Variants in CLMP observed in about 807,000 individuals in gnomAD.
The protein encoded by CLMP is CXADR like cell adhesion molecule, also known as CXADR-like membrane protein.
Under a neutral mutation model 45.2 loss-of-function variants are expected in CLMP, and 27 were observed. The ratio of observed to expected loss-of-function variants is 0.60; its 90% CI spans 0.44 to 0.82. The LOEUF (loss-of-function observed/expected upper bound fraction) is 0.82. Among genes scored for constraint, CLMP ranks in the 40% least tolerant of loss-of-function variants. The probability of loss-of-function intolerance (pLI) is 0.00; values close to 1 mark genes in which losing one functional copy is unlikely to be tolerated. For missense variants in CLMP, 403 were observed against 448.4 expected, an observed-to-expected ratio of 0.90 and a Z score of 0.91; for synonymous variants, 167 against 171.4, an observed-to-expected ratio of 0.97 and a Z score of 0.20.
chr11:123,128,322 C>A (rs1860931263), intron 1 of CLMP, among the ~76,000 whole-genome samples: 1 of 151,580 alleles, frequency 6.6e-6, no homozygotes, highest in Non-Finnish European at 1.5e-5. Flanking sequence ...ACAAGGCGGG[C>A]ATGGTGGCTC....
chr11:123,166,248 G>T (rs1431620998), intron 1 of CLMP, among the ~76,000 whole-genome samples: 1 of 152,210 alleles, frequency 6.6e-6, no homozygotes, highest in East Asian at 1.9e-4. Context: ...AGTAGTTACT[G>T]TGGGCATCCC....
At chr11:123,138,828 T>A (rs547667148) in intron 1 of CLMP, among the ~76,000 whole-genome samples, 26 of 152,218 alleles carry the variant, frequency 1.7e-4, no homozygotes, top group South Asian at 1.2e-3. Context: ...TAATTTTTTG[T>A]ATTTTTAGTA....
chr11:123,105,469 C>T (rs7951698), intron 1 of CLMP, among the ~76,000 whole-genome samples: 15,511 of 149,970 alleles, frequency 0.1, 867 homozygotes, highest in East Asian at 0.17. Flanking sequence ...CTTGCTCTGT[C>T]GCCCAGGCTG....
At chr11:123,181,595 G>A (rs1412899924) in intron 1 of CLMP, among the ~76,000 whole-genome samples, 1 of 151,982 alleles carries the variant, frequency 6.6e-6, no homozygotes, top group Non-Finnish European at 1.5e-5. Flanking sequence ...TCTGCTCCCC[G>A]ACCAGGCTCT....
intron 1 of CLMP, among the ~76,000 whole-genome samples, chr11:123,153,457 A>G (rs1195482747): frequency 6.6e-6 from 1 of 152,124 alleles, no homozygotes; most frequent in African/African-American, 2.4e-5. Flanking sequence ...GAAAAGACAA[A>G]ATCCTCCTTC....
At position 123,153,299 on chromosome 11, in the gene CLMP, G is replaced by A. The variant is rs182470309; in HGVS notation, c.28+41614C>T. 1.2e-4 allele frequency among the ~76,000 whole-genome samples: 19 copies of A among 152,242 alleles called. No individual in the cohort carries two copies. In the South Asian group the frequency reaches 2.5e-3, roughly 20 times the overall value. On this transcript the variant is annotated intron_variant, in intron 1 of 6. Coordinates refer to ENST00000448775, the MANE Select transcript of CLMP (RefSeq NM_024769.5). Reference sequence around the variant, plus strand: ...GTTTCAGATATTTTCTCTCCAAGACGGAGGGCTCAACTGAAAACTTTTATC... The same window carrying A: ...GTTTCAGATATTTTCTCTCCAAGACAGAGGGCTCAACTGAAAACTTTTATC...
intron 1 of CLMP, among the ~76,000 whole-genome samples, chr11:123,144,589 C>T (rs1197011920): frequency 6.6e-6 from 1 of 152,212 alleles, no homozygotes; most frequent in East Asian, 1.9e-4. Context: ...AGGCTGGTCT[C>T]GAACTCCCGA....
intron 2 of CLMP, among the ~76,000 whole-genome samples, chr11:123,097,095 AC>A (rs775957633): frequency 4.6e-5 from 7 of 151,268 alleles, no homozygotes; most frequent in African/African-American, 7.3e-5. Context: ...CAAGCAGTTC[AC>A]CCCCCTCAGG....
chr11:123,130,260 G>GA lies in CLMP; in HGVS notation c.29-32309dup, dbSNP rs546788685. On this transcript the variant is annotated intron_variant, in intron 1 of 6. Coordinates refer to ENST00000448775, the MANE Select transcript of CLMP (RefSeq NM_024769.5). Reference sequence around the variant, plus strand: ...AGTCCAAGGGATGTAACTGCCCCGAGAGGCCTCAAACTGGCCCTTTCGTGG... The same window carrying GA: ...AGTCCAAGGGATGTAACTGCCCCGAGAAGGCCTCAAACTGGCCCTTTCGTGG... Among the ~76,000 whole-genome samples the GA allele has an allele frequency of 1.7e-3, 252 of 152,236 alleles. 1 individual carries two copies. In the Middle Eastern group the frequency reaches 0.024, roughly 14 times the overall value.
chr11:123,146,539 C>T (rs538266357), intron 1 of CLMP, among the ~76,000 whole-genome samples: 94 of 152,232 alleles, frequency 6.2e-4, no homozygotes, highest in African/African-American at 2.2e-3. Context: ...AAGTAGAGGT[C>T]GGCCCACTCC....
chr11:123,150,340 T>C (rs1211791065), intron 1 of CLMP, among the ~76,000 whole-genome samples: 1 of 147,668 alleles, frequency 6.8e-6, no homozygotes, highest in African/African-American at 2.5e-5. Flanking sequence ...TCTTCCATGG[T>C]CAGAAAGGTG....
At chr11:123,088,943 T>G (rs910272028) in intron 2 of CLMP, among the ~76,000 whole-genome samples, 2 of 152,180 alleles carry the variant, frequency 1.3e-5, no homozygotes, top group Admixed American at 1.3e-4. Flanking sequence ...TTTTAGTATT[T>G]GGGTTAGCAT....
intron 1 of CLMP, among the ~76,000 whole-genome samples, chr11:123,101,795 G>A (rs1482524865): frequency 6.6e-6 from 1 of 152,226 alleles, no homozygotes; most frequent in Non-Finnish European, 1.5e-5. Context: ...CTTTTGCAAA[G>A]CTAATGGGAG....
chr11:123,161,121 A>G (rs1169142274), intron 1 of CLMP, among the ~76,000 whole-genome samples: 1 of 152,226 alleles, frequency 6.6e-6, no homozygotes, highest in Non-Finnish European at 1.5e-5. Flanking sequence ...GGTATGTACT[A>G]GGTATGTACC....
At chr11:123,194,762 A>G (rs1048262956) in intron 1 of CLMP, 151 bp downstream of exon 1, 13 of 917,554 alleles carry the variant, frequency 1.4e-5, no homozygotes, top group Non-Finnish European at 2.1e-5. Context: ...CGGTTGCCAG[A>G]TGTGCTCCTC....
rs145106130 is a variant in CLMP, at chr11:123,170,720, C to T, written c.28+24193G>A. Among the ~76,000 whole-genome samples the T allele has an allele frequency of 3.7e-3, 565 of 152,272 alleles. 6 individuals are homozygous for T. The highest frequency in any genetic ancestry group is 0.013 in the African/African-American group (536 of 41,552). On this transcript the variant is annotated intron_variant, in intron 1 of 6. Coordinates refer to ENST00000448775, the MANE Select transcript of CLMP (RefSeq NM_024769.5). ...CCTCCCAATGTGCTGGGATTACAGG[C>T]GTGAGCCACCACGCCCAGCCGAAGC... is the stretch of plus-strand genomic sequence containing the variant.
intron 1 of CLMP, among the ~76,000 whole-genome samples, chr11:123,109,059 C>CAAAAA (rs776811883): frequency 2.7e-4 from 17 of 64,038 alleles, no homozygotes; most frequent in Non-Finnish European, 3.4e-4. Flanking sequence ...AACTCTGTCT[C>CAAAAA]AAAAAAAAAA....
intron 1 of CLMP, among the ~76,000 whole-genome samples, chr11:123,169,267 C>A (rs891471797): frequency 3.3e-5 from 5 of 152,162 alleles, no homozygotes; most frequent in Admixed American, 3.3e-4. Context: ...TGCTAATGAG[C>A]ATTGAGGAGC....
intron 1 of CLMP, among the ~76,000 whole-genome samples, chr11:123,150,480 A>AAAGAAAGAAAAAGG (rs764502298): frequency 2.9e-4 from 12 of 40,990 alleles, no homozygotes; most frequent in Admixed American, 5.4e-4. Context: ...AGAAAGAAAG[A>AAAGAAAGAAAAAGG]AAGGAAGGAA....
Sources: allele counts gnomAD v4.1 joint callset (sites outside exome capture counted in the v4.1 genomes callset), GRCh38; gene constraint gnomAD v4.1.1; transcripts MANE v1.5; gene names NCBI Gene and HGNC (gene_info 2026-07-23, HGNC 2026-07-21).